CNTNAP5: variants seen among roughly 807,000 people sequenced by gnomAD.
CNTNAP5 encodes contactin-associated protein-like 5.
Under a neutral mutation model 150.2 loss-of-function variants are expected in CNTNAP5, and 72 were observed. The observed-to-expected ratio is 0.48, with a 90% CI of 0.40 to 0.58. CNTNAP5 has a LOEUF of 0.58. CNTNAP5 is among the 20% of genes least tolerant of loss of function. The pLI is 0.00. For missense variants in CNTNAP5, 1,636 were observed against 1,626.2 expected, an observed-to-expected ratio of 1.01 and a Z score of -0.10; for synonymous variants, 672 against 619.8, an observed-to-expected ratio of 1.08 and a Z score of -1.25.
At chr2:124,312,325 G>A (rs1455939516) in intron 3 of CNTNAP5, among the ~76,000 whole-genome samples, 1 of 152,106 alleles carries the variant, frequency 6.6e-6, no homozygotes, top group Admixed American at 6.5e-5. Flanking sequence ...AATTCTTAGT[G>A]ATGAGTTATT....
intron 1 of CNTNAP5, among the ~76,000 whole-genome samples, chr2:124,190,691 G>A (rs912400154): frequency 2.6e-5 from 4 of 152,122 alleles, no homozygotes; most frequent in Non-Finnish European, 5.9e-5. Context: ...ACAGGAATAA[G>A]GGTGTTATAA....
chr2:124,868,558 C>A (rs1677679061), intron 20 of CNTNAP5, among the ~76,000 whole-genome samples: 1 of 152,162 alleles, frequency 6.6e-6, no homozygotes, highest in Non-Finnish European at 1.5e-5. Flanking sequence ...TCCTTGACGT[C>A]AACCCTACAC....
intron 10 of CNTNAP5, among the ~76,000 whole-genome samples, chr2:124,560,198 C>A (rs1047780354): frequency 1.3e-5 from 2 of 152,148 alleles, no homozygotes; most frequent in African/African-American, 4.8e-5. Context: ...ATTTTGTAAT[C>A]TTTTGTTTTA....
Position 124,333,389 on chromosome 2 carries a change from C to T in CNTNAP5, c.382-84054C>T, listed in dbSNP as rs928507697. 8.5e-5 allele frequency among the ~76,000 whole-genome samples: 13 copies of T among 152,244 alleles called. 1 individual carries two copies. Among genetic ancestry groups the T allele is most frequent in the Admixed American group, 8.5e-4 (13 of 15,278 alleles). ...TTAAAGACTGTCTATCTCACATGGA[C>T]AAAGCCCTTATTGAATTTTAGAAAA... On this transcript the variant is annotated intron_variant, in intron 3 of 23. Transcript: ENST00000682447.
At chr2:124,131,276 C>T (rs2104602648) in intron 1 of CNTNAP5, among the ~76,000 whole-genome samples, 1 of 152,284 alleles carries the variant, frequency 6.6e-6, no homozygotes, top group East Asian at 1.9e-4. Flanking sequence ...GCATTTGAAA[C>T]CATGCCCTCG....
chr2:124,673,662 G>A (rs1052864068), intron 13 of CNTNAP5, among the ~76,000 whole-genome samples: 8 of 151,406 alleles, frequency 5.3e-5, no homozygotes, highest in African/African-American at 1.7e-4. Flanking sequence ...CTCTAACTAT[G>A]GGCATTACGT....
intron 1 of CNTNAP5, among the ~76,000 whole-genome samples, chr2:124,046,407 C>A (rs1280154722): frequency 6.8e-6 from 1 of 147,448 alleles, no homozygotes; most frequent in Non-Finnish European, 1.5e-5. Flanking sequence ...TCCTCCACCT[C>A]CCCTGAGATC....
At chr2:124,295,196 TTGA>T (rs1429946546) in intron 3 of CNTNAP5, among the ~76,000 whole-genome samples, 1 of 151,434 alleles carries the variant, frequency 6.6e-6, no homozygotes, top group Non-Finnish European at 1.5e-5. Context: ...GGTTCTCAGG[TTGA>T]TTTCTTTTTT....
At chr2:124,841,855 C>T (rs1220039230) in intron 19 of CNTNAP5, among the ~76,000 whole-genome samples, 1 of 152,080 alleles carries the variant, frequency 6.6e-6, no homozygotes. Flanking sequence ...GTGTCACTGT[C>T]AGTGGCATTT....
chr2:124,781,370 G>A (rs886558567), intron 17 of CNTNAP5, among the ~76,000 whole-genome samples: 2 of 152,122 alleles, frequency 1.3e-5, no homozygotes, highest in Non-Finnish European at 2.9e-5. Context: ...GCAGGCCCCA[G>A]GCTCTATTTC....
intron 2 of CNTNAP5, among the ~76,000 whole-genome samples, chr2:124,230,273 G>A (rs1278352293): frequency 1.3e-5 from 2 of 151,976 alleles, no homozygotes; most frequent in Non-Finnish European, 2.9e-5. Context: ...AGGAGATGAG[G>A]GTTGGAAGCA....
intron 16 of CNTNAP5, 84 bp from the exon 17 acceptor site, chr2:124,772,715 T>TA (rs1681230425): frequency 7.1e-6 from 7 of 991,118 alleles, no homozygotes; most frequent in East Asian, 2.4e-5. Context: ...GATACTGACT[T>TA]ACAATCGTTT....
At chr2:124,749,787 G>A (rs1680685833) in intron 14 of CNTNAP5, among the ~76,000 whole-genome samples, 2 of 152,020 alleles carry the variant, frequency 1.3e-5, no homozygotes, top group African/African-American at 4.8e-5. Flanking sequence ...TTTCTTTATA[G>A]GACATTTGCC....
intron 6 of CNTNAP5, among the ~76,000 whole-genome samples, chr2:124,469,639 T>C (rs566046242): frequency 7.2e-5 from 11 of 152,138 alleles, no homozygotes; most frequent in African/African-American, 2.6e-4. Flanking sequence ...TAGGTAAACA[T>C]GTGTCATAGT....
intron 5 of CNTNAP5, among the ~76,000 whole-genome samples, chr2:124,435,108 G>A (rs564674148): frequency 1.5e-4 from 23 of 152,272 alleles, no homozygotes; most frequent in Middle Eastern, 3.4e-3. Context: ...TTGGGGAAGA[G>A]GGGATCATAT....
chr2:124,447,207 G>A (rs1414146927), intron 6 of CNTNAP5, among the ~76,000 whole-genome samples: 1 of 149,984 alleles, frequency 6.7e-6, no homozygotes, highest in Non-Finnish European at 1.5e-5. Context: ...TTTTTTTCCT[G>A]CGTGTAGACT....
intron 21 of CNTNAP5, among the ~76,000 whole-genome samples, chr2:124,887,868 A>G (rs991227000): frequency 1.3e-5 from 2 of 152,142 alleles, no homozygotes; most frequent in South Asian, 4.1e-4. Flanking sequence ...CTGAAAAGCC[A>G]GGATTGTTTT....
At position 124,901,165 on chromosome 2, in the gene CNTNAP5, A is replaced by G. The variant is rs78165700; in HGVS notation, c.3437-1717A>G. Among the ~76,000 whole-genome samples the G allele has an allele frequency of 2.8e-3, 424 of 151,712 alleles. 23 individuals are homozygous for G. Among genetic ancestry groups the G allele is most frequent in the African/African-American group, 0.01 (412 of 41,052 alleles). The stretch of plus-strand genomic sequence containing the variant: ...TTCACATTATTATTGGATTTTCATT[A>G]TCATTTTTGGGAAAGTTCTCACAAA... On this transcript the variant is annotated intron_variant, in intron 21 of 23. Transcript: ENST00000682447.
chr2:124,696,162 T>C (rs760549193), intron 13 of CNTNAP5, among the ~76,000 whole-genome samples: 12 of 152,148 alleles, frequency 7.9e-5, no homozygotes, highest in Non-Finnish European at 7.4e-5. Flanking sequence ...CAGACAATGA[T>C]GGCTGGAATG....
Sources: gnomAD v4.1 joint callset for allele counts (sites outside exome capture counted in the v4.1 genomes callset) on GRCh38, gnomAD v4.1.1 for gene constraint, MANE v1.5 for transcripts, NCBI Gene and HGNC (gene_info 2026-07-23, HGNC 2026-07-21) for gene names.